Variants in DNAH11 observed in about 807,000 individuals in gnomAD.
DNAH11 encodes dynein axonemal heavy chain 11, also known as axonemal beta dynein heavy chain 11.
DNAH11 carries 442 observed loss-of-function variants against 526.0 expected under a neutral mutation model. The observed-to-expected ratio is 0.84, with a 90% CI of 0.78 to 0.91. DNAH11 has a LOEUF of 0.91. Among genes scored for constraint, DNAH11 ranks in the 40% least tolerant of loss-of-function variants. The pLI is 0.00. For missense variants in DNAH11, 6,989 were observed against 5,448.7 expected (o/e 1.28, Z -8.90); for synonymous variants, 2,461 against 1,935.9 (o/e 1.27, Z -7.12).
rs760134595 is a variant in DNAH11 at position 21,698,147 on chromosome 7, T to C, written c.6114T>C (p.Asp2038=). ...TGTTAGTTGCTGAAGGTTTTGTGGA[T>C]GCGCGTGCATTAGCCCGAAAGTTCA... ...EILLVAEGFV[D]ARALARKFIT... The change falls in exon 36 of 82, where the codon GAT becomes GAC. Residue 2038 remains aspartate (D), a synonymous_variant. Transcript: ENST00000409508. 6.2e-7 allele frequency: 1 copy of C among 1,613,706 alleles called. No homozygotes were observed.
At chr7:21,822,813 C>A (rs756584510) in intron 65 of DNAH11, among the ~76,000 whole-genome samples, 2 of 152,138 alleles carry the variant, frequency 1.3e-5, no homozygotes, top group East Asian at 3.9e-4. Context: ...TGGAATGAGA[C>A]GGTACCTCAT....
At chr7:21,595,897 C>G (rs1784841812) in intron 14 of DNAH11, among the ~76,000 whole-genome samples, 2 of 151,514 alleles carry the variant, frequency 1.3e-5, no homozygotes, top group African/African-American at 4.9e-5. Context: ...AAGGACCAGC[C>G]AAAGATGCAG....
intron 36 of DNAH11, 56 bp downstream of exon 36, chr7:21,698,269 G>T (rs1380442728): frequency 1.3e-6 from 2 of 1,595,042 alleles, no homozygotes; most frequent in African/African-American, 2.7e-5. Flanking sequence ...AAAAGCTTTT[G>T]AAGTATGGAT....
At chr7:21,572,586 A>G (rs925457467) in intron 8 of DNAH11, among the ~76,000 whole-genome samples, 1 of 152,196 alleles carries the variant, frequency 6.6e-6, no homozygotes, top group African/African-American at 2.4e-5. Context: ...TTTGCCAAGA[A>G]CAGCGAAGCC....
At chr7:21,754,776 G>C (rs887529124) in intron 54 of DNAH11, among the ~76,000 whole-genome samples, 7 of 152,174 alleles carry the variant, frequency 4.6e-5, no homozygotes, top group African/African-American at 1.7e-4. Flanking sequence ...AAGGCTAATG[G>C]TCAGCACCAT....
intron 67 of DNAH11, 109 bp from the exon 68 acceptor site, chr7:21,854,206 A>G (rs1289411680): frequency 5.0e-6 from 6 of 1,200,168 alleles, no homozygotes; most frequent in East Asian, 5.2e-5. Context: ...CATGTTATCT[A>G]TTTTAATACT....
chr7:21,820,835 C>A (rs1192358667), intron 65 of DNAH11, among the ~76,000 whole-genome samples: 1 of 152,180 alleles, frequency 6.6e-6, no homozygotes, highest in Non-Finnish European at 1.5e-5. Context: ...ACTTGAGAAT[C>A]ATGATCATAA....
chr7:21,574,581 T>TA (rs1156946233), intron 8 of DNAH11, among the ~76,000 whole-genome samples: 3 of 144,406 alleles, frequency 2.1e-5, no homozygotes, highest in Non-Finnish European at 3.1e-5. Flanking sequence ...TTTTTTTTTT[T>TA]AAGACAGAGT....
intron 62 of DNAH11, among the ~76,000 whole-genome samples, chr7:21,803,591 C>G (rs1009125829): frequency 7.7e-6 from 1 of 129,460 alleles, no homozygotes; most frequent in African/African-American, 3.2e-5. Context: ...CCACCCCACA[C>G]CTCCTGCCCA....
chr7:21,589,852 G>C (rs1784612655), intron 12 of DNAH11, among the ~76,000 whole-genome samples: 1 of 152,152 alleles, frequency 6.6e-6, no homozygotes, highest in African/African-American at 2.4e-5. Flanking sequence ...GGAATCAACA[G>C]AATACACAGA....
chr7:21,638,196 GC>G (rs1786957870), intron 27 of DNAH11, among the ~76,000 whole-genome samples: 1 of 152,078 alleles, frequency 6.6e-6, no homozygotes, highest in African/African-American at 2.4e-5. Context: ...GAATATTCTG[GC>G]TTTTGATTAA....
intron 2 of DNAH11, among the ~76,000 whole-genome samples, chr7:21,556,642 C>T (rs80060008): frequency 0.05 from 7,573 of 152,130 alleles, 627 homozygotes; most frequent in African/African-American, 0.17. Context: ...GCATAGTATC[C>T]GATAGGCAGT....
chr7:21,679,884 T>C (rs773436503), intron 30 of DNAH11, among the ~76,000 whole-genome samples: 1 of 152,186 alleles, frequency 6.6e-6, no homozygotes, highest in African/African-American at 2.4e-5. Context: ...TTTATTATTA[T>C]TATACTTTAA....
At chr7:21,663,723 A>C (rs907513329) in intron 30 of DNAH11, among the ~76,000 whole-genome samples, 1 of 149,530 alleles carries the variant, frequency 6.7e-6, no homozygotes, top group African/African-American at 2.5e-5. Context: ...AATTCACATA[A>C]TGTCCTCCTG....
intron 37 of DNAH11, chr7:21,703,318 A>T (rs1784137708): frequency 6.3e-6 from 1 of 157,708 alleles, no homozygotes; most frequent in African/African-American, 2.4e-5. Flanking sequence ...CGATAACAAC[A>T]CTTCATGAAT....
intron 28 of DNAH11, among the ~76,000 whole-genome samples, chr7:21,650,910 G>C (rs1787596916): frequency 6.6e-6 from 1 of 150,636 alleles, no homozygotes; most frequent in Admixed American, 6.6e-5. Flanking sequence ...AAAGTGCTGG[G>C]ATTATAGGCG....
At chr7:21,656,073 G>C in intron 29 of DNAH11, 92 bp downstream of exon 29, 1 of 1,375,862 alleles carries the variant, frequency 7.3e-7, no homozygotes. Flanking sequence ...ATTCAACCCA[G>C]GTCAAATCAG....
At chr7:21,761,390 A>G (rs1300594513) in intron 54 of DNAH11, among the ~76,000 whole-genome samples, 2 of 151,908 alleles carry the variant, frequency 1.3e-5, no homozygotes, top group Non-Finnish European at 2.9e-5. Flanking sequence ...ATTACATGTA[A>G]TTATTTATTT....
At chr7:21,623,504 A>G (rs1193670246) in intron 25 of DNAH11, among the ~76,000 whole-genome samples, 2 of 152,202 alleles carry the variant, frequency 1.3e-5, no homozygotes, top group African/African-American at 4.8e-5. Context: ...TGCTATAAAG[A>G]CACATGCACA....
Sources: allele counts gnomAD v4.1 joint callset (sites outside exome capture counted in the v4.1 genomes callset), GRCh38; gene constraint gnomAD v4.1.1; transcripts MANE v1.5; gene names NCBI Gene and HGNC (gene_info 2026-07-23, HGNC 2026-07-21).